The following SPATA6 variants were observed in gnomAD, a reference collection of about 807,000 sequenced individuals.
SPATA6 encodes the protein spermatogenesis associated 6, also known as spermatogenesis-associated protein 6.
A neutral mutation model predicts 65.3 loss-of-function variants in SPATA6; 56 were observed. The observed-to-expected ratio is 0.86, with a 90% confidence interval of 0.69 to 1.07. The LOEUF is 1.07. SPATA6 is among the 50% of genes least tolerant of loss of function. The pLI is 0.00. For missense variants in SPATA6, 590 were observed against 594.8 expected (o/e 0.99, Z 0.08); for synonymous variants, 199 against 213.2 (o/e 0.93, Z 0.58).
At chr1:48,269,342 A>G in the SPATA6 span, among the ~76,000 whole-genome samples, 2 of 152,140 alleles carry the variant, frequency 1.3e-5, no homozygotes, top group African/African-American at 4.8e-5. Flanking sequence ...CAACAACTCT[A>G]TGAAAATATC....
At chr1:48,278,178 C>G in the SPATA6 span, among the ~76,000 whole-genome samples, 1 of 152,122 alleles carries the variant, frequency 6.6e-6, no homozygotes. Context: ...AAAAACTCAT[C>G]TGTACATCCC....
the SPATA6 span, among the ~76,000 whole-genome samples, chr1:48,278,045 C>T: frequency 6.6e-6 from 1 of 152,166 alleles, no homozygotes. Flanking sequence ...GTTATGCACC[C>T]ATCACTGCTG....
At chr1:48,367,631 T>G (rs541487034) in intron 9 of SPATA6, among the ~76,000 whole-genome samples, 3 of 152,166 alleles carry the variant, frequency 2.0e-5, no homozygotes, top group African/African-American at 4.8e-5. Flanking sequence ...CTGCCTTTTT[T>G]TGTTTTCCAT....
At chr1:48,339,756 C>A (rs540967917) in intron 11 of SPATA6, among the ~76,000 whole-genome samples, 28 of 151,810 alleles carry the variant, frequency 1.8e-4, no homozygotes, top group Non-Finnish European at 2.8e-4. Flanking sequence ...TTGGAAAGAG[C>A]GCAAGAAACT....
chr1:48,347,610 ATAGT>A (rs1278116068), intron 11 of SPATA6, among the ~76,000 whole-genome samples: 5 of 151,132 alleles, frequency 3.3e-5, no homozygotes, highest in African/African-American at 9.7e-5. Flanking sequence ...AAAAATAAGA[ATAGT>A]TAAACAATAA....
intron 3 of SPATA6, among the ~76,000 whole-genome samples, chr1:48,441,623 A>T (rs1655489504): frequency 6.6e-6 from 1 of 152,056 alleles, no homozygotes; most frequent in African/African-American, 2.4e-5. Flanking sequence ...GCCTTCCCAT[A>T]GGACAAAACT....
intron 11 of SPATA6, among the ~76,000 whole-genome samples, chr1:48,352,507 A>C (rs760841204): frequency 3.9e-5 from 6 of 152,114 alleles, no homozygotes; most frequent in Non-Finnish European, 8.8e-5. Context: ...TTAGCAAAGA[A>C]CAGTTTAAAA....
intron 5 of SPATA6, among the ~76,000 whole-genome samples, chr1:48,410,321 C>G (rs960855833): frequency 6.6e-6 from 1 of 152,178 alleles, no homozygotes; most frequent in African/African-American, 2.4e-5. Flanking sequence ...TCTGAAACAA[C>G]CTCCGTCTGG....
chr1:48,267,137 C>T, the SPATA6 span, among the ~76,000 whole-genome samples: 1 of 152,110 alleles, frequency 6.6e-6, no homozygotes, highest in African/African-American at 2.4e-5. Flanking sequence ...TTATCCCCAT[C>T]TCAGGGCCTG....
intron 11 of SPATA6, among the ~76,000 whole-genome samples, chr1:48,331,696 C>T (rs1047444930): frequency 1.3e-5 from 2 of 152,048 alleles, no homozygotes; most frequent in Non-Finnish European, 2.9e-5. Flanking sequence ...CTAGAGAGGC[C>T]GATATTCAAA....
At chr1:48,354,445 A>G (rs1465566928) in intron 11 of SPATA6, among the ~76,000 whole-genome samples, 3 of 152,194 alleles carry the variant, frequency 2.0e-5, no homozygotes, top group Non-Finnish European at 4.4e-5. Flanking sequence ...TGCTTACAGC[A>G]GCTCTGTAAT....
chr1:48,410,519 G>A (rs1652117744), intron 5 of SPATA6, among the ~76,000 whole-genome samples: 2 of 152,000 alleles, frequency 1.3e-5, no homozygotes, highest in Admixed American at 6.6e-5. Flanking sequence ...CACTACCTCG[G>A]TACCAATGTA....
intron 9 of SPATA6, among the ~76,000 whole-genome samples, chr1:48,374,719 T>G (rs1188207065): frequency 2.0e-5 from 3 of 152,160 alleles, no homozygotes; most frequent in Admixed American, 2.0e-4. Flanking sequence ...AATTCCTTCC[T>G]TATCAAAATA....
At chr1:48,282,831 C>G in the SPATA6 span, among the ~76,000 whole-genome samples, 42 of 152,136 alleles carry the variant, frequency 2.8e-4, no homozygotes, top group African/African-American at 4.3e-4. Flanking sequence ...TCCCATTACT[C>G]GGTATATACC....
rs1650930983 is a variant in SPATA6 at position 48,399,417 on chromosome 1, G to C, written c.714C>G (p.Ala238=). Residue 238 remains alanine, a synonymous_variant, in exon 7 of 13, where the codon GCC becomes GCG. Transcript: ENST00000371847. ...ACTCATAGGGTCCCAGATTTAAATGGGCCAGCCGCCGCCTGGTGTCTTCAG... is the reference window on the plus strand; with the variant it reads ...ACTCATAGGGTCCCAGATTTAAATGCGCCAGCCGCCGCCTGGTGTCTTCAG... ...ELSEDTRRRL[A]HLNLGPYEFK... 1 of 1,613,026 alleles carries C rather than the reference G, an allele frequency of 6.2e-7. No individual in the cohort carries two copies. Among genetic ancestry groups the C allele is most frequent in the South Asian group, 1.1e-5 (1 of 91,040 alleles).
intron 9 of SPATA6, among the ~76,000 whole-genome samples, chr1:48,381,257 G>A (rs1648542187): frequency 6.6e-6 from 1 of 152,100 alleles, no homozygotes; most frequent in Non-Finnish European, 1.5e-5. Context: ...CTATATAAGT[G>A]TTATATTCAT....
rs1053146190 is a variant in SPATA6, at chr1:48,295,961, A to G, written c.*2752T>C. ...GCTCCAAGAAGCATAAATGACTTAAATAAGGTTATATAACTAGCTAGTAGA... is the reference window on the plus strand; with the variant it reads ...GCTCCAAGAAGCATAAATGACTTAAGTAAGGTTATATAACTAGCTAGTAGA... On this transcript the variant is annotated 3_prime_UTR_variant, in exon 13 of 13. Transcript: ENST00000371847. 1.1e-4 allele frequency: 16 copies of G among 152,256 alleles called. No homozygotes were observed. The highest frequency in any genetic ancestry group is 7.2e-4 in the Admixed American group (11 of 15,288). 9.4% of individuals were successfully genotyped at this position (152,256 alleles called of 1,614,324 possible). A position where few individuals can be genotyped will look rare whatever the true frequency, so the allele number is the denominator to read the frequency against.
At chr1:48,458,592 A>C (rs891162801) in intron 1 of SPATA6, among the ~76,000 whole-genome samples, 1 of 152,202 alleles carries the variant, frequency 6.6e-6, no homozygotes, top group Non-Finnish European at 1.5e-5. Context: ...CCATACAATG[A>C]AATATTATTC....
intron 11 of SPATA6, among the ~76,000 whole-genome samples, chr1:48,354,631 T>G (rs1302377613): frequency 6.6e-6 from 1 of 152,050 alleles, no homozygotes; most frequent in Non-Finnish European, 1.5e-5. Flanking sequence ...ACGCTTGAAT[T>G]GAAAAACCAA....
Sources: allele counts gnomAD v4.1 joint callset (sites outside exome capture counted in the v4.1 genomes callset), GRCh38; gene constraint gnomAD v4.1.1; transcripts MANE v1.5; gene names NCBI Gene and HGNC (gene_info 2026-07-23, HGNC 2026-07-21).